The following ESR1 variants were observed in gnomAD, a reference collection of about 807,000 sequenced individuals.
ESR1 encodes the protein estrogen receptor 1.
ESR1 carries 12 observed loss-of-function variants against 52.7 expected under a neutral mutation model. The observed-to-expected ratio is 0.23, with a 90% CI of 0.15 to 0.37. ESR1 has a LOEUF of 0.37. Ranked by LOEUF, ESR1 falls within the 10% of genes least tolerant of loss-of-function variation. ESR1 has a pLI of 1.00. For missense variants in ESR1, 584 were observed against 779.7 expected, an observed-to-expected ratio of 0.75 and a Z score of 2.99; for synonymous variants, 305 against 316.8, an observed-to-expected ratio of 0.96 and a Z score of 0.39.
intron 6 of ESR1, among the ~76,000 whole-genome samples, chr6:152,072,657 C>G (rs73616093): frequency 0.08 from 12,218 of 152,262 alleles, 979 homozygotes; most frequent in African/African-American, 0.21. Context: ...TCTCCAGATT[C>G]TCTGCAACAG....
At position 152,098,690 on chromosome 6, in the gene ESR1, G is replaced by A. The variant is rs371800154; in HGVS notation, c.1554-42G>A. 19 of 1,542,946 alleles carry A rather than the reference G, an allele frequency of 1.2e-5. No individual in the cohort carries two copies. The African/African-American group carries it at 2.0e-4, about 17-fold the overall frequency. On this transcript the variant is annotated intron_variant, in intron 7 of 7. Coordinates refer to ENST00000206249, the MANE Select transcript of ESR1 (RefSeq NM_000125.4). This position sits in a 1 kb window ranked among gnomAD's most constrained non-coding sequence, Gnocchi z 5.1. ...GGATTTCAGCACTCCTGGGGCTCGG[G>A]TTGGCTCTAAAGTAGTCCTTTCTGT...
At chr6:151,853,209 GAAAGAAGGAA>G (rs977473706) in intron 2 of ESR1, among the ~76,000 whole-genome samples, 3 of 111,292 alleles carry the variant, frequency 2.7e-5, no homozygotes, top group African/African-American at 6.6e-5. Flanking sequence ...GAGAAAGAAA[GAAAGAAGGAA>G]AAAGAAAGAA....
At chr6:151,684,893 G>C (rs1031010009) in intron 1 of ESR1, among the ~76,000 whole-genome samples, 2 of 152,104 alleles carry the variant, frequency 1.3e-5, no homozygotes, top group Non-Finnish European at 2.9e-5. Context: ...TTGCAAACGG[G>C]AAGCCTCAAG....
rs1179598166 is a variant in ESR1 at position 151,675,344 on chromosome 6, A to G, written n.73+18581A>G. On this transcript the variant is annotated intron_variant and non_coding_transcript_variant, in intron 1 of 2. Coordinates refer to the ESR1 transcript ENST00000473497. ...TCAGGTCCAAACTTATGTTCTTGCT[A>G]TTTCTTTGGGTGTGGGTGGTTGGAT... Among the ~76,000 whole-genome samples, 3 of 151,712 alleles carry G rather than the reference A, an allele frequency of 2.0e-5. 1 individual carries two copies. The South Asian group carries it at 6.3e-4, about 32-fold the overall frequency.
At chr6:151,812,677 G>A (rs1445360223) in intron 1 of ESR1, among the ~76,000 whole-genome samples, 1 of 152,138 alleles carries the variant, frequency 6.6e-6, no homozygotes, top group Non-Finnish European at 1.5e-5. Context: ...CGTGCTAAGT[G>A]TGTTTCTTTC....
chr6:152,020,877 A>G (rs1347957433), intron 5 of ESR1, among the ~76,000 whole-genome samples: 1 of 152,182 alleles, frequency 6.6e-6, no homozygotes, highest in Non-Finnish European at 1.5e-5. Flanking sequence ...TGTGCCCTTA[A>G]TGATCTAGAA....
chr6:151,877,243 C>T (rs950926443), intron 2 of ESR1, among the ~76,000 whole-genome samples: 5 of 151,986 alleles, frequency 3.3e-5, no homozygotes, highest in African/African-American at 9.7e-5. Flanking sequence ...GTATATCTCC[C>T]GATGCTATCT....
intron 3 of ESR1, among the ~76,000 whole-genome samples, chr6:151,939,058 C>T (rs2034719195): frequency 6.6e-6 from 1 of 152,180 alleles, no homozygotes; most frequent in South Asian, 2.1e-4. Context: ...TGTACACTAG[C>T]TATCCAGGGC....
chr6:151,667,161 C>T (rs527357738), intron 1 of ESR1, among the ~76,000 whole-genome samples: 2 of 152,332 alleles, frequency 1.3e-5, no homozygotes, highest in African/African-American at 4.8e-5. Flanking sequence ...GGTCTTTACT[C>T]ATTCTTTATG....
chr6:152,122,552 C>T lies in ESR1; in HGVS notation c.851-2714C>T, dbSNP rs758464869. The T allele has an allele frequency of 1.1e-5, 18 of 1,614,010 alleles. No individual in the cohort carries two copies. The highest frequency in any genetic ancestry group is 6.7e-5 in the African/African-American group (5 of 74,904). ...GACATTGGTACAAGGCAGGCAAGCC[C>T]GATGAGGAGGAGCAGGAGAAGCTGA... On this transcript the variant is annotated intron_variant, in intron 6 of 6. Coordinates refer to the ESR1 transcript ENST00000427531.
At chr6:152,009,479 C>A (rs550847684) in intron 4 of ESR1, among the ~76,000 whole-genome samples, 10 of 152,066 alleles carry the variant, frequency 6.6e-5, no homozygotes, top group Non-Finnish European at 1.5e-4. Context: ...AGATGTGCAA[C>A]CTTATTAGTC....
chr6:151,763,695 A>C (rs550005550), intron 2 of ESR1, among the ~76,000 whole-genome samples: 116 of 152,312 alleles, frequency 7.6e-4, no homozygotes, highest in African/African-American at 2.6e-3. Flanking sequence ...TATTCCTGGA[A>C]GAAGGCCCAC....
intron 4 of ESR1, among the ~76,000 whole-genome samples, chr6:151,959,892 C>G (rs12214139): frequency 2.0e-5 from 3 of 152,138 alleles, no homozygotes; most frequent in African/African-American, 7.2e-5. Flanking sequence ...GTTCACTACT[C>G]TATATGATCA....
chr6:151,699,030 A>G (rs1328251506), intron 1 of ESR1, among the ~76,000 whole-genome samples: 6 of 152,242 alleles, frequency 3.9e-5, no homozygotes, highest in Non-Finnish European at 8.8e-5. Context: ...TGCTTACTAC[A>G]GCATTCGTGT....
At chr6:152,084,003 C>T (rs1449191016) in intron 6 of ESR1, among the ~76,000 whole-genome samples, 2 of 152,064 alleles carry the variant, frequency 1.3e-5, no homozygotes, top group African/African-American at 4.8e-5. Flanking sequence ...TTCACAATAC[C>T]AAAGACTTGG....
At chr6:151,754,207 T>C (rs562912772) in intron 2 of ESR1, among the ~76,000 whole-genome samples, 1 of 152,336 alleles carries the variant, frequency 6.6e-6, no homozygotes, top group Non-Finnish European at 1.5e-5. Flanking sequence ...AAAAAGTCGC[T>C]TATAATTTCC....
At chr6:151,715,482 T>C (rs1582993281) in intron 2 of ESR1, among the ~76,000 whole-genome samples, 1 of 152,174 alleles carries the variant, frequency 6.6e-6, no homozygotes, top group African/African-American at 2.4e-5. Context: ...TCATCAAATA[T>C]AGGTTTGGTC....
At chr6:152,071,208 G>A (rs1338245170) in intron 6 of ESR1, among the ~76,000 whole-genome samples, 1 of 144,496 alleles carries the variant, frequency 6.9e-6, no homozygotes, top group East Asian at 2.1e-4. Flanking sequence ...ATGATCTGAT[G>A]GTAAAGACAG....
chr6:151,996,313 C>G (rs2041477913), intron 4 of ESR1, among the ~76,000 whole-genome samples: 1 of 152,148 alleles, frequency 6.6e-6, no homozygotes, highest in Non-Finnish European at 1.5e-5. Context: ...AATACACCCT[C>G]TGCTTTAGCC....
Sources: allele counts gnomAD v4.1 joint callset (sites outside exome capture counted in the v4.1 genomes callset), GRCh38; gene constraint gnomAD v4.1.1; non-coding constraint Gnocchi (gnomAD v3.1); transcripts MANE v1.5; gene names NCBI Gene and HGNC (gene_info 2026-07-23, HGNC 2026-07-21).